The following TRIO variants were observed in gnomAD, a reference collection of about 807,000 sequenced individuals.
TRIO encodes trio Rho guanine nucleotide exchange factor.
In TRIO, 58 loss-of-function variants were observed where a neutral mutation model predicts 351.9. That is an observed-to-expected ratio of 0.16 (90% CI 0.13 to 0.21). The LOEUF (loss-of-function observed/expected upper bound fraction) is 0.21, where lower values mean the gene tolerates loss of function less well. Among genes scored for constraint, TRIO ranks in the 10% least tolerant of loss-of-function variants. The pLI is 1.00. For missense variants in TRIO, 3,201 were observed against 4,027.8 expected, an observed-to-expected ratio of 0.79 and a Z score of 5.56; for synonymous variants, 1,758 against 1,595.7, an observed-to-expected ratio of 1.10 and a Z score of -2.42.
intron 39 of TRIO, 109 bp from the exon 40 acceptor site, chr5:14,473,885 C>A: frequency 9.8e-7 from 1 of 1,021,418 alleles, no homozygotes; most frequent in Non-Finnish European, 1.4e-6. Flanking sequence ...GAACTGGTTA[C>A]AAGACAGTGC....
chr5:14,447,632 C>G (rs757147865), intron 34 of TRIO, among the ~76,000 whole-genome samples: 1 of 152,164 alleles, frequency 6.6e-6, no homozygotes, highest in Non-Finnish European at 1.5e-5. Flanking sequence ...TAGCCCCCTG[C>G]CCCCAACGTC....
intron 1 of TRIO, among the ~76,000 whole-genome samples, chr5:14,235,470 T>C (rs1793708781): frequency 6.6e-6 from 1 of 152,212 alleles, no homozygotes. Flanking sequence ...GTTTCTAAAG[T>C]GTAGACAATA....
chr5:14,327,849 G>C (rs60077210), intron 9 of TRIO, among the ~76,000 whole-genome samples: 2 of 152,174 alleles, frequency 1.3e-5, no homozygotes, highest in Non-Finnish European at 2.9e-5. Context: ...TCTCAAGGCC[G>C]AGAGGTCCAG....
chr5:14,150,082 G>A (rs994840843), intron 1 of TRIO, among the ~76,000 whole-genome samples: 5 of 152,196 alleles, frequency 3.3e-5, no homozygotes, highest in African/African-American at 1.2e-4. Context: ...CTGGCTTACT[G>A]CAGGGAAGGC....
intron 7 of TRIO, among the ~76,000 whole-genome samples, chr5:14,303,222 G>A (rs887290843): frequency 3.8e-5 from 5 of 133,172 alleles, no homozygotes; most frequent in African/African-American, 1.3e-4. Flanking sequence ...TGTCAGTGGA[G>A]GAGATTGAGC....
intron 1 of TRIO, among the ~76,000 whole-genome samples, chr5:14,156,754 A>G (rs1379404793): frequency 4.6e-5 from 7 of 152,252 alleles, no homozygotes; most frequent in Non-Finnish European, 8.8e-5. Flanking sequence ...ATCAGCAGTT[A>G]GTGGTCAGCT....
intron 3 of TRIO, among the ~76,000 whole-genome samples, chr5:14,281,090 C>T (rs1735952524): frequency 6.6e-6 from 1 of 152,152 alleles, no homozygotes; most frequent in African/African-American, 2.4e-5. Flanking sequence ...AAATGTATTA[C>T]TCGAGTTTAA....
At chr5:14,367,977 G>T (rs573501211) in intron 16 of TRIO, among the ~76,000 whole-genome samples, 1 of 152,202 alleles carries the variant, frequency 6.6e-6, no homozygotes, top group East Asian at 1.9e-4. Flanking sequence ...TTCTTCAGGC[G>T]AAATGAGAGG....
chr5:14,184,782 C>T lies in TRIO; in HGVS notation c.157+40900C>T, dbSNP rs553912139. Among the ~76,000 whole-genome samples, 10 of 152,236 alleles carry T rather than the reference C, an allele frequency of 6.6e-5. No homozygotes were observed. In the South Asian group the frequency reaches 1.7e-3, roughly 25 times the overall value. On this transcript the variant is annotated intron_variant, in intron 1 of 56. Coordinates refer to ENST00000344204, the MANE Select transcript of TRIO (RefSeq NM_007118.4). Reference sequence around the variant, plus strand: ...TTAGGTTAGTGGGTGTGAGCGTGGACGCCTCTTGGGTCCAGTGCGGTTGCG... The same window carrying T: ...TTAGGTTAGTGGGTGTGAGCGTGGATGCCTCTTGGGTCCAGTGCGGTTGCG...
rs1755525921 is a variant in TRIO at position 14,481,639 on chromosome 5, T to C, written c.6465+21T>C. ...TCGACGTAATGCGGCTCTTGTTTTT[T>C]AAGAGAGCTCCTCTGCCTTCATCTC... On this transcript the variant is annotated intron_variant, in intron 45 of 56. Transcript: ENST00000344204. 1.5e-5 allele frequency: 24 copies of C among 1,613,302 alleles called. 1 individual carries two copies. In the East Asian group the frequency reaches 4.9e-4, roughly 33 times the overall value.
At chr5:14,245,268 C>T (rs1247547542) in intron 1 of TRIO, among the ~76,000 whole-genome samples, 1 of 152,188 alleles carries the variant, frequency 6.6e-6, no homozygotes, top group African/African-American at 2.4e-5. Flanking sequence ...ACAGTTTCTC[C>T]ATTAGTAAAC....
At chr5:14,471,520 G>C (rs764749946) in intron 38 of TRIO, 54 bp downstream of exon 38, 54 of 1,598,076 alleles carry the variant, frequency 3.4e-5, no homozygotes, top group Non-Finnish European at 4.4e-5. Flanking sequence ...TCCTGTCTTT[G>C]TTGCCTTCAA....
rs954213759 is a variant in TRIO, at chr5:14,248,831, A to G, written c.158-21994A>G. On this transcript the variant is annotated intron_variant, in intron 1 of 56. Transcript: ENST00000344204. ...CCACCAATAAGAAATTCTGATCCCCATATTATGGGCAATGGCTCCAAAGCT... is the reference window on the plus strand; with the variant it reads ...CCACCAATAAGAAATTCTGATCCCCGTATTATGGGCAATGGCTCCAAAGCT... Among the ~76,000 whole-genome samples the G allele has an allele frequency of 4.6e-5, 7 of 152,222 alleles. No homozygotes were observed. The East Asian group carries it at 9.6e-4, about 21-fold the overall frequency.
At chr5:14,242,929 G>A (rs906759202) in intron 1 of TRIO, among the ~76,000 whole-genome samples, 31 of 152,296 alleles carry the variant, frequency 2.0e-4, no homozygotes, top group Non-Finnish European at 2.5e-4. Flanking sequence ...TCTCTACTCC[G>A]GAAGGTAAAT....
intron 19 of TRIO, among the ~76,000 whole-genome samples, chr5:14,375,046 T>C (rs183318834): frequency 1.3e-5 from 2 of 152,332 alleles, no homozygotes; most frequent in Non-Finnish European, 2.9e-5. Flanking sequence ...TCTCACACTT[T>C]TCAAAACAAT....
chr5:14,337,689 A>G (rs1230371934), intron 11 of TRIO, among the ~76,000 whole-genome samples: 1 of 152,214 alleles, frequency 6.6e-6, no homozygotes, highest in Non-Finnish European at 1.5e-5. Flanking sequence ...AATTCCTTTA[A>G]AGGAAAAGAA....
Position 14,486,052 on chromosome 5 carries a change from G to C in TRIO, c.6835+806G>C, listed in dbSNP as rs529078436. The stretch of plus-strand genomic sequence containing the variant: ...CCGTGACTTGAGGGATTGCAGAGAT[G>C]CTGCAGAACACAGCGGGCGTGGCCA... On this transcript the variant is annotated intron_variant, in intron 47 of 56. Transcript: ENST00000344204. Among the ~76,000 whole-genome samples, 9 of 151,822 alleles carry C rather than the reference G, an allele frequency of 5.9e-5. No homozygotes were observed. In the South Asian group the frequency reaches 1.3e-3, roughly 21 times the overall value.
intron 1 of TRIO, among the ~76,000 whole-genome samples, chr5:14,251,652 G>T (rs1794753604): frequency 6.6e-6 from 1 of 152,190 alleles, no homozygotes; most frequent in African/African-American, 2.4e-5. Context: ...TGCAGGGGGA[G>T]AAGAGGTGGG....
rs777369125 is a variant in TRIO, at chr5:14,270,852, C to A, written c.185C>A (p.Ala62Asp). 2 of 1,613,970 alleles carry A rather than the reference C, an allele frequency of 1.2e-6. No individual in the cohort carries two copies. Among genetic ancestry groups the A allele is most frequent in the Non-Finnish European group, 1.7e-6 (2 of 1,179,950 alleles). ...SGFRKNDEMK[A>D]MDVLPILKEK... ...TTTCGAAAAAACGATGAAATGAAAG[C>A]TATGGATGTTTTACCAATTTTGAAG... The change falls in exon 2 of 57, where the codon GCT becomes GAT. Residue 62 changes from alanine (A) to aspartate (D), a missense_variant. Physicochemically the swap from Ala to Asp is moderately radical, Grantham distance 126. Around this residue, in one of 19 missense-constraint regions of TRIO, gnomAD observed 109 missense variants for 134.6 expected, o/e 0.81. Coordinates refer to ENST00000344204, the MANE Select transcript of TRIO (RefSeq NM_007118.4).
Sources: gnomAD v4.1 joint callset for allele counts (sites outside exome capture counted in the v4.1 genomes callset) on GRCh38, gnomAD v4.1.1 for gene constraint, gnomAD v4.1.1 regional missense constraint, MANE v1.5 for transcripts, NCBI Gene and HGNC (gene_info 2026-07-23, HGNC 2026-07-21) for gene names.